The following PARD3B variants were observed in gnomAD, a reference collection of about 807,000 sequenced individuals.
PARD3B encodes the protein par-3 family cell polarity regulator beta, also known as partitioning defective 3 homolog B.
In PARD3B, 103 loss-of-function variants were observed where a neutral mutation model predicts 130.2. That is an observed-to-expected ratio of 0.79 (90% confidence interval 0.67 to 0.93). PARD3B has a LOEUF of 0.93. Ranked by LOEUF, PARD3B falls within the 40% of genes least tolerant of loss-of-function variation. The pLI is 0.00. For synonymous variants in PARD3B, 583 were observed against 553.2 expected (o/e 1.05, Z -0.76); for missense variants, 1,609 against 1,499.2 (o/e 1.07, Z -1.21).
At chr2:204,707,998 G>T (rs1355184328) in intron 2 of PARD3B, among the ~76,000 whole-genome samples, 1 of 152,022 alleles carries the variant, frequency 6.6e-6, no homozygotes, top group East Asian at 1.9e-4. Context: ...TCATCTCTTG[G>T]TCAGTATCTC....
chr2:205,141,032 C>T (rs897402435), intron 10 of PARD3B, among the ~76,000 whole-genome samples: 2 of 152,070 alleles, frequency 1.3e-5, no homozygotes, highest in African/African-American at 2.4e-5. Flanking sequence ...ACCGGGATAA[C>T]GGATGGTGTC....
chr2:205,328,040 G>A (rs2042993968), intron 18 of PARD3B, among the ~76,000 whole-genome samples: 1 of 152,008 alleles, frequency 6.6e-6, no homozygotes, highest in Non-Finnish European at 1.5e-5. Flanking sequence ...TCTTCATTAG[G>A]CTAAAGAAAA....
At chr2:205,083,599 CTTCT>C (rs1276491206) in intron 4 of PARD3B, among the ~76,000 whole-genome samples, 8 of 150,492 alleles carry the variant, frequency 5.3e-5, no homozygotes. Context: ...CTGTTTGATT[CTTCT>C]TTTTTTTTTT....
intron 1 of PARD3B, among the ~76,000 whole-genome samples, chr2:204,626,698 T>A (rs1313570803): frequency 1.3e-5 from 2 of 152,332 alleles, no homozygotes; most frequent in African/African-American, 4.8e-5. Flanking sequence ...AAACTTTTGA[T>A]AAATACAATT....
chr2:204,936,895 A>G (rs1342289063), intron 2 of PARD3B, among the ~76,000 whole-genome samples: 1 of 152,280 alleles, frequency 6.6e-6, no homozygotes, highest in African/African-American at 2.4e-5. Flanking sequence ...TATATAAGAA[A>G]GATGGACTAT....
intron 20 of PARD3B, among the ~76,000 whole-genome samples, chr2:205,445,275 C>G (rs2047866759): frequency 1.3e-5 from 2 of 152,208 alleles, no homozygotes; most frequent in African/African-American, 2.4e-5. Context: ...CCCACACTCT[C>G]ATTTCCTGCT....
intron 2 of PARD3B, among the ~76,000 whole-genome samples, chr2:204,920,240 CTTTCGAGCATTGAGCTTGATG>C (rs1280466110): frequency 6.6e-6 from 1 of 152,174 alleles, no homozygotes; most frequent in Non-Finnish European, 1.5e-5. Context: ...AATGTATACA[CTTTCGAGCATTGAGCTTGATG>C]TTACCTGTGG....
Position 205,564,605 on chromosome 2 carries a change from C to T in PARD3B, c.3260+11202C>T, listed in dbSNP as rs555601211. ...AGGGGACATGGCTGAGACGCAAATG[C>T]CAGACAACTGCGGAAGCATCGCTTC... On this transcript the variant is annotated intron_variant, in intron 22 of 22. Transcript: ENST00000406610. This position sits in a 1 kb window ranked among gnomAD's most constrained non-coding sequence, Gnocchi z 4.6. Among the ~76,000 whole-genome samples, 1 of 152,280 alleles carries T rather than the reference C, an allele frequency of 6.6e-6. No individual in the cohort carries two copies. Among genetic ancestry groups the T allele is most frequent in the African/African-American group, 2.4e-5 (1 of 41,562 alleles).
intron 22 of PARD3B, among the ~76,000 whole-genome samples, chr2:205,611,529 C>T (rs922448114): frequency 2.6e-5 from 4 of 152,132 alleles, no homozygotes; most frequent in South Asian, 2.1e-4. Context: ...ATATCTTTGT[C>T]GTGTTCAGAC....
At chr2:204,721,826 G>C (rs561915719) in intron 2 of PARD3B, among the ~76,000 whole-genome samples, 8 of 151,956 alleles carry the variant, frequency 5.3e-5, no homozygotes, top group Non-Finnish European at 1.2e-4. Context: ...CTCTAATTTT[G>C]AATGAACTTT....
chr2:205,022,171 G>A (rs1256396348), intron 3 of PARD3B, among the ~76,000 whole-genome samples: 1 of 152,066 alleles, frequency 6.6e-6, no homozygotes. Context: ...GACATGTAAT[G>A]CATGTCTTAT....
chr2:205,090,110 A>G (rs947925167), intron 4 of PARD3B, among the ~76,000 whole-genome samples: 9 of 151,688 alleles, frequency 5.9e-5, no homozygotes, highest in Middle Eastern at 3.2e-3. Flanking sequence ...GTGCTTAAAA[A>G]CTCTTATCTG....
Position 205,340,326 on chromosome 2 carries a change from A to C in PARD3B, c.2630+38625A>C, listed in dbSNP as rs149706438. 3.6e-3 allele frequency among the ~76,000 whole-genome samples: 546 copies of C among 152,288 alleles called. 5 individuals are homozygous for C. Among genetic ancestry groups the C allele is most frequent in the African/African-American group, 0.013 (528 of 41,568 alleles). ...ATCCCAAGCAAAAAGAAAAAGCTGG[A>C]GGCATCACACTGCAACTTCAAAATA... On this transcript the variant is annotated intron_variant, in intron 18 of 22. Transcript: ENST00000406610.
chr2:204,852,484 C>A (rs1334265985), intron 2 of PARD3B, among the ~76,000 whole-genome samples: 1 of 151,524 alleles, frequency 6.6e-6, no homozygotes, highest in Non-Finnish European at 1.5e-5. Flanking sequence ...CTATTTTTTC[C>A]CAATGCAAAT....
chr2:204,819,693 A>G (rs747604778), intron 2 of PARD3B, among the ~76,000 whole-genome samples: 57 of 152,356 alleles, frequency 3.7e-4, no homozygotes, highest in Middle Eastern at 3.4e-3. Flanking sequence ...ATGCATAGAT[A>G]AAGTTCTCGA....
chr2:204,897,386 T>TTTTG (rs1325834530), intron 2 of PARD3B, among the ~76,000 whole-genome samples: 1 of 664 alleles, frequency 1.5e-3, no homozygotes, highest in East Asian at 8.9e-3. Flanking sequence ...GTAGGTACTG[T>TTTTG]TTTTTTTTTT....
chr2:205,476,669 G>C (rs563279445), intron 20 of PARD3B, among the ~76,000 whole-genome samples: 81 of 152,112 alleles, frequency 5.3e-4, no homozygotes, highest in Non-Finnish European at 1.1e-3. Context: ...AATGAATTTT[G>C]CATTACCCTC....
At chr2:205,107,717 C>T (rs1703325740) in intron 5 of PARD3B, among the ~76,000 whole-genome samples, 2 of 152,204 alleles carry the variant, frequency 1.3e-5, no homozygotes, top group Admixed American at 6.5e-5. Context: ...ACTGCTCACC[C>T]ATTATTAACG....
Position 205,484,861 on chromosome 2 carries a change from A to G in PARD3B, c.3045-15035A>G, listed in dbSNP as rs189657129. Among the ~76,000 whole-genome samples, 801 of 152,336 alleles carry G rather than the reference A, an allele frequency of 5.3e-3. 1 individual carries two copies. Among genetic ancestry groups the G allele is most frequent in the Non-Finnish European group, 6.0e-3 (406 of 68,028 alleles). On this transcript the variant is annotated intron_variant, in intron 20 of 22. Transcript: ENST00000406610. ...TTTATTGAAAAAACTAGCAACTGTC[A>G]CACTGTCGAGAGGCTACTGAGAGCT...
Sources: gnomAD v4.1 joint callset for allele counts (sites outside exome capture counted in the v4.1 genomes callset) on GRCh38, gnomAD v4.1.1 for gene constraint, Gnocchi (gnomAD v3.1) non-coding constraint, MANE v1.5 for transcripts, NCBI Gene and HGNC (gene_info 2026-07-23, HGNC 2026-07-21) for gene names.